The following FERMT3 variants were observed in gnomAD, a reference collection of about 807,000 sequenced individuals.
The protein encoded by FERMT3 is fermitin family homolog 3.
FERMT3 carries 33 observed loss-of-function variants against 80.8 expected under a neutral mutation model. The ratio of observed to expected loss-of-function variants is 0.41; its 90% CI spans 0.31 to 0.55. The LOEUF is 0.55. Ranked by LOEUF, FERMT3 falls within the 20% of genes least tolerant of loss-of-function variation. FERMT3 has a pLI of 0.31. For missense variants in FERMT3, 754 were observed against 908.7 expected (o/e 0.83, Z 2.19); for synonymous variants, 375 against 372.2 (o/e 1.01, Z -0.09).
At chr11:64,207,311 C>G (rs879119442) in intron 1 of FERMT3, 40 bp from the exon 2 acceptor site, 2 of 1,613,364 alleles carry the variant, frequency 1.2e-6, no homozygotes, top group South Asian at 1.1e-5. Context: ...GGAGGCCTAC[C>G]AGGGCCTGCC....
Position 64,223,735 on chromosome 11 carries a change from G to A in FERMT3, c.*243G>A. The A allele has an allele frequency of 4.0e-6, 3 of 755,554 alleles. No homozygotes were observed. Among genetic ancestry groups the A allele is most frequent in the Non-Finnish European group, 6.4e-6 (3 of 469,286 alleles). 46.8% of individuals were successfully genotyped at this position (755,554 alleles called of 1,614,324 possible). A position where few individuals can be genotyped will look rare whatever the true frequency, so the allele number is the denominator to read the frequency against. On this transcript the variant is annotated 3_prime_UTR_variant, in exon 15 of 15. Coordinates refer to ENST00000345728, the MANE Select transcript of FERMT3 (RefSeq NM_031471.6). ...TGGTGCCCCCTTTCCTTGTCTGAGT[G>A]GCTGAGGCTGATACCCCTGACCTAT...
chr11:64,223,888 C>T lies in FERMT3; in HGVS notation c.*396C>T, dbSNP rs1455864903. 1.9e-6 allele frequency: 3 copies of T among 1,600,884 alleles called. No individual in the cohort carries two copies. Among genetic ancestry groups the T allele is most frequent in the African/African-American group, 1.3e-5 (1 of 74,268 alleles). On this transcript the variant is annotated 3_prime_UTR_variant, in exon 15 of 15. Coordinates refer to ENST00000345728, the MANE Select transcript of FERMT3 (RefSeq NM_031471.6). Reference sequence around the variant, plus strand: ...ATAAATTAATATTTTATTGTTGGATCCTCCTCCTTTCTCTGGAGCTGTGCT... The same window carrying T: ...ATAAATTAATATTTTATTGTTGGATTCTCCTCCTTTCTCTGGAGCTGTGCT...
At chr11:64,208,871 C>T (rs2508208) in intron 2 of FERMT3, among the ~76,000 whole-genome samples, 5,794 of 152,176 alleles carry the variant, frequency 0.038, 366 homozygotes, top group African/African-American at 0.13. Context: ...TCTAGACTTT[C>T]TTCTGGAGGG....
In FERMT3 at chr11:64,220,513, C is replaced by G. The variant is rs753535248; in HGVS notation, c.1389C>G (p.Thr463=). ...KGRTMADSSY[T]SEVQAILAFL... ...GCACCATGGCCGACAGCAGCTACAC[C>G]AGCGAGGTGCAGGCCATCCTGGCCT... The change falls in exon 12 of 15, where the codon ACC becomes ACG. Residue 463 remains threonine (T), a synonymous_variant. Transcript: ENST00000345728. 1.2e-6 allele frequency: 2 copies of G among 1,607,618 alleles called. No individual in the cohort carries two copies. The highest frequency in any genetic ancestry group is 2.2e-5 in the East Asian group (1 of 44,504).
In FERMT3 at chr11:64,223,771, C is replaced by T; in HGVS notation, c.*279C>T. The stretch of plus-strand genomic sequence containing the variant: ...ATACCCCTGACCTATCTGCAGTCCC[C>T]CAGCACACAAGGAAGACCAGATGTA... On this transcript the variant is annotated 3_prime_UTR_variant, in exon 15 of 15. Transcript: ENST00000345728. The T allele has an allele frequency of 1.1e-6, 1 of 894,992 alleles. No homozygotes were observed. The highest frequency in any genetic ancestry group is 2.5e-5 in the Admixed American group (1 of 39,710). 55.4% of individuals were successfully genotyped at this position (894,992 alleles called of 1,614,324 possible). A position where few individuals can be genotyped will look rare whatever the true frequency, so the allele number is the denominator to read the frequency against.
rs1323186554 is a variant in FERMT3 at position 64,210,062 on chromosome 11, A to G, written c.161-549A>G. ...GGCCTTGTTCCGTGTCCCAGTTTGTAAGATCGTTATTGTATCTTACAGGGA... is the reference window on the plus strand; with the variant it reads ...GGCCTTGTTCCGTGTCCCAGTTTGTGAGATCGTTATTGTATCTTACAGGGA... On this transcript the variant is annotated intron_variant, in intron 2 of 14. Transcript: ENST00000345728. The surrounding 1 kb of genome is among the most constrained non-coding windows in gnomAD (Gnocchi z 4.3). Among the ~76,000 whole-genome samples the G allele has an allele frequency of 5.3e-5, 8 of 152,170 alleles. No homozygotes were observed. Among genetic ancestry groups the G allele is most frequent in the African/African-American group, 2.4e-5 (1 of 41,434 alleles).
In FERMT3 at chr11:64,211,564, T is replaced by C; in HGVS notation, c.684-81T>C. 6.6e-7 allele frequency: 1 copy of C among 1,521,226 alleles called. No individual in the cohort carries two copies. Among genetic ancestry groups the C allele is most frequent in the African/African-American group, 1.4e-5 (1 of 73,490 alleles). 94.2% of individuals were successfully genotyped at this position (1,521,226 alleles called of 1,614,324 possible). On this transcript the variant is annotated intron_variant, in intron 5 of 14. Transcript: ENST00000345728. The surrounding 1 kb of genome is among the most constrained non-coding windows in gnomAD (Gnocchi z 4.7). The stretch of plus-strand genomic sequence containing the variant: ...TTCCAGGCCTTTTCTCTGTGTGTGC[T>C]TGTCCCCCCAGCCCAGCCCCCCTCC...
At position 64,210,839 on chromosome 11, in the gene FERMT3, T is replaced by G. The variant is rs1433083830; in HGVS notation, c.389T>G (p.Leu130Arg). 6.8e-6 allele frequency: 11 copies of G among 1,611,868 alleles called. No individual in the cohort carries two copies. The highest frequency in any genetic ancestry group is 6.7e-5 in the Admixed American group (4 of 60,016). ...CAGGCTGTGGCTGCCATCTGCCGCC[T>G]CCTCAGTAAGTTGCCCGGCTGATTC... ...LFQAVAAICR[L>R]LSIRHPEELS... Residue 130 changes from leucine to arginine, a missense_variant, in exon 3 of 15, where the codon CTC (leucine) becomes CGC (arginine). Coordinates refer to ENST00000345728, the MANE Select transcript of FERMT3 (RefSeq NM_031471.6). This position sits in a 1 kb window ranked among gnomAD's most constrained non-coding sequence, Gnocchi z 4.3.
chr11:64,211,354 G>A lies in FERMT3; in HGVS notation c.594G>A (p.Leu198=). 1.2e-6 allele frequency: 2 copies of A among 1,611,858 alleles called. No homozygotes were observed. The highest frequency in any genetic ancestry group is 1.7e-6 in the Non-Finnish European group (2 of 1,179,516). Residue 198 remains leucine, a synonymous_variant, in exon 5 of 15, where the codon CTG becomes CTA. Coordinates refer to ENST00000345728, the MANE Select transcript of FERMT3 (RefSeq NM_031471.6). The surrounding 1 kb of genome is among the most constrained non-coding windows in gnomAD (Gnocchi z 4.7). The stretch of plus-strand genomic sequence containing the variant: ...AGACTGAGGCCTGCTACCACATGCT[G>A]AGCCGGCCCCAGCCGCCACCCGACC... ...SAQTEACYHM[L]SRPQPPPDPL...
chr11:64,220,424 CCT>C lies in FERMT3; in HGVS notation c.1312-8_1312-7del. 6.2e-7 allele frequency: 1 copy of C among 1,610,684 alleles called. No individual in the cohort carries two copies. Among genetic ancestry groups the C allele is most frequent in the Non-Finnish European group, 8.5e-7 (1 of 1,179,496 alleles). On this transcript the variant is annotated splice_polypyrimidine_tract_variant and intron_variant, in intron 11 of 14. Transcript: ENST00000345728. ...CTTGGTTAGCACTGTCCCCCTCACC[CCT>C]CTCGCCCAGGAGCAGCAGTATGCCC...
Position 64,223,714 on chromosome 11 carries a change from G to T in FERMT3, c.*222G>T. 1 of 750,702 alleles carries T rather than the reference G, an allele frequency of 1.3e-6. No homozygotes were observed. The highest frequency in any genetic ancestry group is 2.2e-6 in the Non-Finnish European group (1 of 464,642). 46.5% of individuals were successfully genotyped at this position (750,702 alleles called of 1,614,324 possible). ...GTGGGGGTCCCTGAGCTCATGTGGT[G>T]CCCCCTTTCCTTGTCTGAGTGGCTG... On this transcript the variant is annotated 3_prime_UTR_variant, in exon 15 of 15. Transcript: ENST00000345728.
Position 64,210,998 on chromosome 11 carries a change from G to T in FERMT3, c.395-54G>T. The T allele has an allele frequency of 1.2e-6, 2 of 1,608,652 alleles. No homozygotes were observed. The highest frequency in any genetic ancestry group is 8.5e-7 in the Non-Finnish European group (1 of 1,177,888). On this transcript the variant is annotated intron_variant, in intron 3 of 14. Coordinates refer to ENST00000345728, the MANE Select transcript of FERMT3 (RefSeq NM_031471.6). The surrounding 1 kb of genome is among the most constrained non-coding windows in gnomAD (Gnocchi z 4.3). Reference sequence around the variant, plus strand: ...ACCCGCCCCAAGCACCCATGGGTGAGGTGGGGAGGCTGCAGCAGGACCTAG... The same window carrying T: ...ACCCGCCCCAAGCACCCATGGGTGATGTGGGGAGGCTGCAGCAGGACCTAG...
chr11:64,217,911 A>G (rs1049934937), intron 6 of FERMT3, among the ~76,000 whole-genome samples: 1 of 151,396 alleles, frequency 6.6e-6, no homozygotes, highest in Non-Finnish European at 1.5e-5. Flanking sequence ...CAGACAGGAG[A>G]GGGACAAGGC....
rs745740665 is a variant in FERMT3 at position 64,223,095 on chromosome 11, G to A, written c.1718G>A (p.Arg573Gln). ...KDEILGIANN[R>Q]LIRIDLAVGD... ...GAGATCCTGGGCATCGCCAACAACC[G>A]ACTGATCCGCATCGACTTGGCCGTG... Residue 573 changes from arginine to glutamine, a missense_variant, in exon 14 of 15, where the codon CGA (arginine) becomes CAA (glutamine). Arg to Gln is a conservative substitution (Grantham distance 43, BLOSUM62 1). Transcript: ENST00000345728. The A allele has an allele frequency of 7.4e-6, 12 of 1,613,800 alleles. No individual in the cohort carries two copies. The highest frequency in any genetic ancestry group is 3.3e-5 in the Admixed American group (2 of 60,004).
intron 6 of FERMT3, among the ~76,000 whole-genome samples, chr11:64,215,720 T>C (rs1323216936): frequency 6.6e-6 from 1 of 152,156 alleles, no homozygotes; most frequent in Non-Finnish European, 1.5e-5. Flanking sequence ...GCTACAGGCA[T>C]GTGCCACAAG....
Position 64,210,798 on chromosome 11 carries a change from C to T in FERMT3, c.348C>T (p.Phe116=). The change falls in exon 3 of 15, where the codon TTC becomes TTT. Residue 116 remains phenylalanine (F), a synonymous_variant. Transcript: ENST00000345728. This position sits in a 1 kb window ranked among gnomAD's most constrained non-coding sequence, Gnocchi z 4.3. ...GCGCACTGCGCCTCCGTGCCAGCTT[C>T]TCCCAGCCCCTCTTCCAGGCTGTGG... is the stretch of plus-strand genomic sequence containing the variant. ...NRRALRLRAS[F]SQPLFQAVAA... The T allele has an allele frequency of 1.2e-6, 2 of 1,613,836 alleles. No homozygotes were observed. The highest frequency in any genetic ancestry group is 1.7e-6 in the Non-Finnish European group (2 of 1,180,014).
In FERMT3 at chr11:64,210,059, T is replaced by C. The variant is rs1385433022; in HGVS notation, c.161-552T>C. 1.3e-5 allele frequency among the ~76,000 whole-genome samples: 2 copies of C among 152,236 alleles called. No individual in the cohort carries two copies. Among genetic ancestry groups the C allele is most frequent in the East Asian group, 3.8e-4 (2 of 5,196 alleles). ...GGAGGCCTTGTTCCGTGTCCCAGTTTGTAAGATCGTTATTGTATCTTACAG... is the reference window on the plus strand; with the variant it reads ...GGAGGCCTTGTTCCGTGTCCCAGTTCGTAAGATCGTTATTGTATCTTACAG... On this transcript the variant is annotated intron_variant, in intron 2 of 14. Coordinates refer to ENST00000345728, the MANE Select transcript of FERMT3 (RefSeq NM_031471.6). The surrounding 1 kb of genome is among the most constrained non-coding windows in gnomAD (Gnocchi z 4.3).
intron 2 of FERMT3, 58 bp downstream of exon 2, chr11:64,207,582 C>G: frequency 3.2e-6 from 5 of 1,560,454 alleles, no homozygotes; most frequent in South Asian, 2.4e-5. Flanking sequence ...CCACGGGTGT[C>G]TCTGGGCACT....
Position 64,211,272 on chromosome 11 carries a change from C to T in FERMT3, c.515-3C>T. ...CCTGGTTGACTCCCAACCTGCACTC[C>T]AGGCGTGGCACCTGCACTGTTCCGG... On this transcript the variant is annotated splice_region_variant and splice_polypyrimidine_tract_variant and intron_variant, in intron 4 of 14. Transcript: ENST00000345728. The surrounding 1 kb of genome is among the most constrained non-coding windows in gnomAD (Gnocchi z 4.7). 2 of 1,613,286 alleles carry T rather than the reference C, an allele frequency of 1.2e-6. No individual in the cohort carries two copies. Among genetic ancestry groups the T allele is most frequent in the South Asian group, 2.2e-5 (2 of 91,046 alleles).
Sources: allele counts gnomAD v4.1 joint callset (sites outside exome capture counted in the v4.1 genomes callset), GRCh38; gene constraint gnomAD v4.1.1; non-coding constraint Gnocchi (gnomAD v3.1); transcripts MANE v1.5; gene names NCBI Gene and HGNC (gene_info 2026-07-23, HGNC 2026-07-21).